ULK4: variants seen among roughly 807,000 people sequenced by gnomAD.
ULK4 encodes inactive serine/threonine-protein kinase ULK4.
ULK4 carries 133 observed loss-of-function variants against 160.6 expected under a neutral mutation model. The observed-to-expected ratio is 0.83, with a 90% CI of 0.72 to 0.96. The LOEUF is 0.96. ULK4 is among the 40% of genes least tolerant of loss of function. ULK4 has a pLI of 0.00. For missense variants in ULK4, 1,580 were observed against 1,499.5 expected, an observed-to-expected ratio of 1.05 and a Z score of -0.89; for synonymous variants, 534 against 539.8, an observed-to-expected ratio of 0.99 and a Z score of 0.15.
chr3:41,646,437 C>T (rs534394272), intron 30 of ULK4, among the ~76,000 whole-genome samples: 1 of 152,164 alleles, frequency 6.6e-6, no homozygotes, highest in African/African-American at 2.4e-5. Context: ...TGTTTTATTT[C>T]TCCTTCACTT....
At position 41,896,872 on chromosome 3, in the gene ULK4, C is replaced by A. The variant is rs72864585; in HGVS notation, c.1480G>T (p.Val494Leu). ...AKLNLLCYLC[V>L]VAGHQEVATR... ...GCCACCTCCTGGTGACCAGCCACCA[C>A]GCACAAATAGCAAAGGAGATTCAGC... Residue 494 changes from valine (V) to leucine (L), a missense_variant, in exon 15 of 37, where the codon GTG becomes TTG. Physicochemically the swap from Val to Leu is conservative, Grantham distance 32 (BLOSUM62 1). Transcript: ENST00000301831. 1.2e-6 allele frequency: 2 copies of A among 1,613,392 alleles called. No homozygotes were observed. Among genetic ancestry groups the A allele is most frequent in the Non-Finnish European group, 1.7e-6 (2 of 1,179,808 alleles).
intron 21 of ULK4, among the ~76,000 whole-genome samples, chr3:41,771,972 C>T (rs1381049150): frequency 1.3e-5 from 2 of 152,130 alleles, no homozygotes; most frequent in African/African-American, 2.4e-5. Context: ...TCCCCAATCC[C>T]ACTACCCTCC....
At chr3:41,661,107 G>T (rs1460729451) in intron 30 of ULK4, among the ~76,000 whole-genome samples, 2 of 152,142 alleles carry the variant, frequency 1.3e-5, no homozygotes, top group African/African-American at 4.8e-5. Flanking sequence ...AAGTAGAATT[G>T]AAGGTTGAAG....
chr3:41,876,458 T>C (rs1430081827), intron 17 of ULK4, among the ~76,000 whole-genome samples: 1 of 152,214 alleles, frequency 6.6e-6, no homozygotes, highest in Non-Finnish European at 1.5e-5. Context: ...GAACATTCTT[T>C]CATTAGTCAA....
At chr3:41,555,694 A>T (rs2087266695) in intron 32 of ULK4, among the ~76,000 whole-genome samples, 1 of 152,240 alleles carries the variant, frequency 6.6e-6, no homozygotes, top group Non-Finnish European at 1.5e-5. Context: ...AATATAAATC[A>T]TTCTATTATA....
At chr3:41,880,459 C>T (rs772609077) in intron 17 of ULK4, among the ~76,000 whole-genome samples, 1 of 152,080 alleles carries the variant, frequency 6.6e-6, no homozygotes, top group African/African-American at 2.4e-5. Flanking sequence ...TAGATTTTTG[C>T]TCCATTTTTT....
At position 41,789,727 on chromosome 3, in the gene ULK4, G is replaced by T. The variant is rs1272294883; in HGVS notation, c.2127C>A (p.Tyr709Ter). Reference sequence around the variant, plus strand: ...ACATGGCAGCGAATAAGGTCAACATGTACTGCTGAACTTTGCAGATGGCAG... The same window carrying T: ...ACATGGCAGCGAATAAGGTCAACATTTACTGCTGAACTTTGCAGATGGCAG... ...LASAICKVQQ[Y>*]MLTLFAAMLS... Residue 709 changes from tyrosine to a stop codon, truncating the protein, a stop_gained, in exon 21 of 37, where the codon TAC becomes TAA. Transcript: ENST00000301831. LOFTEE classifies it high-confidence loss of function. The T allele has an allele frequency of 6.2e-7, 1 of 1,613,468 alleles. No homozygotes were observed. Among genetic ancestry groups the T allele is most frequent in the Non-Finnish European group, 8.5e-7 (1 of 1,179,694 alleles).
intron 20 of ULK4, among the ~76,000 whole-genome samples, chr3:41,797,600 C>G (rs930505143): frequency 2.0e-5 from 3 of 152,178 alleles, no homozygotes; most frequent in African/African-American, 4.8e-5. Context: ...TGGCTCACGA[C>G]TGTAATCCCA....
At chr3:41,371,892 C>A (rs1381300657) in intron 35 of ULK4, among the ~76,000 whole-genome samples, 1 of 152,024 alleles carries the variant, frequency 6.6e-6, no homozygotes, top group Non-Finnish European at 1.5e-5. Flanking sequence ...AGCTGAGAAC[C>A]TTGATAAAAG....
At chr3:41,300,071 A>G (rs1032320701) in intron 35 of ULK4, among the ~76,000 whole-genome samples, 1 of 152,214 alleles carries the variant, frequency 6.6e-6, no homozygotes, top group Non-Finnish European at 1.5e-5. Flanking sequence ...GCAGAAGAAG[A>G]GCACCAGTTT....
Position 41,375,987 on chromosome 3 carries a change from A to C in ULK4, c.3678+22092T>G, listed in dbSNP as rs540836193. Reference sequence around the variant, plus strand: ...AAATGGGCAAAGGATATGAACAGACACTTCTCAAACGAAGACATTTATGGG... The same window carrying C: ...AAATGGGCAAAGGATATGAACAGACCCTTCTCAAACGAAGACATTTATGGG... On this transcript the variant is annotated intron_variant, in intron 35 of 36. Coordinates refer to ENST00000301831, the MANE Select transcript of ULK4 (RefSeq NM_017886.4). Among the ~76,000 whole-genome samples, 3 of 150,554 alleles carry C rather than the reference A, an allele frequency of 2.0e-5. No individual in the cohort carries two copies. In the South Asian group the frequency reaches 6.5e-4, roughly 32 times the overall value.
At chr3:41,905,413 G>A (rs1201561392) in intron 12 of ULK4, among the ~76,000 whole-genome samples, 1 of 152,150 alleles carries the variant, frequency 6.6e-6, no homozygotes, top group African/African-American at 2.4e-5. Flanking sequence ...AAACTTTTGT[G>A]AGCTGGGAGT....
chr3:41,887,586 G>A (rs188546108), intron 16 of ULK4, among the ~76,000 whole-genome samples: 171 of 152,252 alleles, frequency 1.1e-3, no homozygotes, highest in African/African-American at 3.9e-3. Context: ...TTGGGAGGCC[G>A]AGGCAGGTGA....
chr3:41,276,312 C>T (rs528650749), intron 35 of ULK4, among the ~76,000 whole-genome samples: 5 of 152,286 alleles, frequency 3.3e-5, no homozygotes, highest in Admixed American at 2.6e-4. Context: ...GTTACCTTTC[C>T]GGACCTTCGA....
chr3:41,536,201 A>C (rs190760172), intron 32 of ULK4, among the ~76,000 whole-genome samples: 376 of 152,272 alleles, frequency 2.5e-3, no homozygotes, highest in African/African-American at 8.6e-3. Context: ...AGTCTATCTG[A>C]AACTGCCTCT....
chr3:41,940,595 C>T (rs1699918256), intron 2 of ULK4, among the ~76,000 whole-genome samples: 1 of 152,090 alleles, frequency 6.6e-6, no homozygotes, highest in South Asian at 2.1e-4. Flanking sequence ...GAGTTCAAGG[C>T]TGCAGTGAAC....
At chr3:41,600,517 T>C (rs1463923927) in intron 31 of ULK4, among the ~76,000 whole-genome samples, 1 of 152,160 alleles carries the variant, frequency 6.6e-6, no homozygotes, top group African/African-American at 2.4e-5. Flanking sequence ...AAAGGACAGA[T>C]GCATACATAC....
chr3:41,901,468 C>A (rs1343340802), intron 12 of ULK4, among the ~76,000 whole-genome samples: 3 of 56,124 alleles, frequency 5.3e-5, no homozygotes, highest in Admixed American at 2.5e-4. Flanking sequence ...GCGTGAGCCA[C>A]CACGCCCAGC....
At chr3:41,828,723 A>G (rs1167095999) in intron 18 of ULK4, among the ~76,000 whole-genome samples, 1 of 151,984 alleles carries the variant, frequency 6.6e-6, no homozygotes, top group Non-Finnish European at 1.5e-5. Context: ...ATACTGCCCA[A>G]GATAATTTAT....
Sources: allele counts gnomAD v4.1 joint callset (sites outside exome capture counted in the v4.1 genomes callset), GRCh38; gene constraint gnomAD v4.1.1; transcripts MANE v1.5; gene names NCBI Gene and HGNC (gene_info 2026-07-23, HGNC 2026-07-21).